The following AFAP1 variants were observed in gnomAD, a reference collection of about 807,000 sequenced individuals.
AFAP1 encodes the protein actin filament associated protein 1.
A neutral mutation model predicts 93.9 loss-of-function variants in AFAP1; 75 were observed. The ratio of observed to expected loss-of-function variants is 0.80; its 90% CI spans 0.66 to 0.97. The LOEUF is 0.97. Ranked by LOEUF, AFAP1 falls within the 50% of genes least tolerant of loss-of-function variation. The pLI, the probability that AFAP1 is intolerant of heterozygous loss-of-function variation, is 0.00. For missense variants in AFAP1, 1,201 were observed against 1,050.8 expected (o/e 1.14, Z -1.98); for synonymous variants, 517 against 430.7 (o/e 1.20, Z -2.48).
intron 9 of AFAP1, among the ~76,000 whole-genome samples, chr4:7,807,310 A>G (rs1045203054): frequency 6.6e-6 from 1 of 152,188 alleles, no homozygotes; most frequent in Non-Finnish European, 1.5e-5. Flanking sequence ...TTCTATTGTT[A>G]ATCGATAACT....
In AFAP1 at chr4:7,763,698, G is replaced by A. The variant is rs778587098; in HGVS notation, c.*67C>T. 6.0e-5 allele frequency: 93 copies of A among 1,543,414 alleles called. No individual in the cohort carries two copies. Among genetic ancestry groups the A allele is most frequent in the African/African-American group, 1.5e-4 (11 of 72,812 alleles). ...GCCACTCTGGGCAGAGCTTCCTGCC[G>A]TCACACAGATGAGGATACAGGCAAG... is the stretch of plus-strand genomic sequence containing the variant. On this transcript the variant is annotated 3_prime_UTR_variant, in exon 18 of 18. Transcript: ENST00000420658.
At chr4:7,877,455 C>CA (rs535325815) in intron 1 of AFAP1, among the ~76,000 whole-genome samples, 3 of 152,310 alleles carry the variant, frequency 2.0e-5, no homozygotes, top group Admixed American at 2.0e-4. Flanking sequence ...TTACAAGTGC[C>CA]AGGCACTGTT....
chr4:7,831,284 A>G (rs1336878403), intron 6 of AFAP1, among the ~76,000 whole-genome samples: 1 of 152,154 alleles, frequency 6.6e-6, no homozygotes, highest in Non-Finnish European at 1.5e-5. Context: ...ATGTACTGGA[A>G]GTAACATCAC....
At chr4:7,918,938 G>A (rs866826025) in intron 1 of AFAP1, among the ~76,000 whole-genome samples, 62 of 143,054 alleles carry the variant, frequency 4.3e-4, no homozygotes, top group Middle Eastern at 3.9e-3. Flanking sequence ...TGAGACACTC[G>A]GCCCAGGTCA....
intron 5 of AFAP1, among the ~76,000 whole-genome samples, chr4:7,841,034 C>A (rs979456421): frequency 6.6e-6 from 1 of 152,196 alleles, no homozygotes; most frequent in Non-Finnish European, 1.5e-5. Context: ...AAATGCCTCA[C>A]GAGAGATATG....
At chr4:7,906,360 T>C (rs1160920214) in intron 1 of AFAP1, among the ~76,000 whole-genome samples, 1 of 152,210 alleles carries the variant, frequency 6.6e-6, no homozygotes, top group African/African-American at 2.4e-5. Flanking sequence ...TAAAATTCTC[T>C]GTGAATTACG....
chr4:7,778,477 G>T (rs1016578709), intron 14 of AFAP1: 13 of 485,714 alleles, frequency 2.7e-5, no homozygotes, highest in Non-Finnish European at 4.5e-5. Flanking sequence ...GGGCCACCCG[G>T]AGCTGCAAGA....
intron 12 of AFAP1, among the ~76,000 whole-genome samples, chr4:7,784,215 C>A (rs1206064556): frequency 6.6e-6 from 1 of 152,112 alleles, no homozygotes; most frequent in African/African-American, 2.4e-5. Flanking sequence ...AGGAGATTCA[C>A]TGGACCTGAT....
At chr4:7,812,958 G>A (rs1720179161) in intron 8 of AFAP1, among the ~76,000 whole-genome samples, 1 of 152,104 alleles carries the variant, frequency 6.6e-6, no homozygotes, top group African/African-American at 2.4e-5. Flanking sequence ...AAGGTCCCAG[G>A]ACCTTCTCAG....
intron 7 of AFAP1, among the ~76,000 whole-genome samples, chr4:7,817,253 A>G (rs986838289): frequency 1.3e-5 from 2 of 152,218 alleles, no homozygotes; most frequent in African/African-American, 4.8e-5. Flanking sequence ...TAGGCAGAGA[A>G]TCAGCAAAAA....
Position 7,784,248 on chromosome 4 carries a change from G to T in AFAP1, c.1530+1946C>A, listed in dbSNP as rs1042882892. ...GATACCCCTCCGCCTAAGATGGGGG[G>T]CTCTACTGGATGGACTCTGAAGCTA... On this transcript the variant is annotated intron_variant, in intron 12 of 17. Transcript: ENST00000420658. Among the ~76,000 whole-genome samples, 4 of 152,102 alleles carry T rather than the reference G, an allele frequency of 2.6e-5. No homozygotes were observed. In the East Asian group the frequency reaches 7.7e-4, roughly 29 times the overall value.
intron 1 of AFAP1, among the ~76,000 whole-genome samples, chr4:7,892,646 G>C (rs999293388): frequency 7.2e-5 from 11 of 152,164 alleles, no homozygotes; most frequent in African/African-American, 2.4e-4. Context: ...ATTAACACGG[G>C]ATCTGGTGGG....
chr4:7,907,633 G>A (rs1719491073), intron 1 of AFAP1, among the ~76,000 whole-genome samples: 1 of 152,124 alleles, frequency 6.6e-6, no homozygotes, highest in South Asian at 2.1e-4. Context: ...AACTTTTTGA[G>A]CGCTGACGTG....
chr4:7,766,959 C>T (rs2148944628), intron 17 of AFAP1, among the ~76,000 whole-genome samples: 1 of 152,120 alleles, frequency 6.6e-6, no homozygotes. Context: ...CTTCCCACAT[C>T]CGGAATACGT....
chr4:7,794,280 G>A (rs1271646411), intron 10 of AFAP1, among the ~76,000 whole-genome samples: 1 of 152,170 alleles, frequency 6.6e-6, no homozygotes, highest in Non-Finnish European at 1.5e-5. Flanking sequence ...GGAGCCCTGG[G>A]TGAGCCCCCC....
chr4:7,928,098 T>A (rs1296081810), intron 1 of AFAP1, among the ~76,000 whole-genome samples: 1 of 152,200 alleles, frequency 6.6e-6, no homozygotes, highest in East Asian at 1.9e-4. Flanking sequence ...ATGGACCCAG[T>A]TCTGCTTCAA....
intron 6 of AFAP1, among the ~76,000 whole-genome samples, chr4:7,823,938 G>A (rs1721202415): frequency 6.6e-6 from 1 of 152,328 alleles, no homozygotes; most frequent in Admixed American, 6.5e-5. Flanking sequence ...TCCAAGGTAC[G>A]AAGAAAGGCA....
Position 7,786,322 on chromosome 4 carries a change from G to A in AFAP1, c.1413-11C>T. ...CGCCTGTTCATGAAACTGAAAGAAAGGAAATGCGTTAAAATCCATAACCTG... is the reference window on the plus strand; with the variant it reads ...CGCCTGTTCATGAAACTGAAAGAAAAGAAATGCGTTAAAATCCATAACCTG... On this transcript the variant is annotated splice_polypyrimidine_tract_variant and intron_variant, in intron 11 of 17. Coordinates refer to ENST00000420658, the MANE Select transcript of AFAP1 (RefSeq NM_001134647.2). 1.2e-6 allele frequency: 2 copies of A among 1,606,430 alleles called. No individual in the cohort carries two copies. Among genetic ancestry groups the A allele is most frequent in the South Asian group, 1.1e-5 (1 of 90,884 alleles).
At chr4:7,868,087 T>TAA (rs539709817) in intron 3 of AFAP1, among the ~76,000 whole-genome samples, 14 of 142,576 alleles carry the variant, frequency 9.8e-5, no homozygotes, top group East Asian at 4.1e-4. Flanking sequence ...ATCGCCAGAT[T>TAA]AAAAAAAAAA....
Sources: gnomAD v4.1 joint callset for allele counts (sites outside exome capture counted in the v4.1 genomes callset) on GRCh38, gnomAD v4.1.1 for gene constraint, MANE v1.5 for transcripts, NCBI Gene and HGNC (gene_info 2026-07-23, HGNC 2026-07-21) for gene names.